The following SP4 variants were observed in gnomAD, a reference collection of about 807,000 sequenced individuals.
The protein encoded by SP4 is transcription factor Sp4.
A neutral mutation model predicts 72.8 loss-of-function variants in SP4; 19 were observed. The observed-to-expected ratio is 0.26, with a 90% CI of 0.18 to 0.38. The LOEUF (loss-of-function observed/expected upper bound fraction) is 0.38, where lower values mean the gene tolerates loss of function less well. Ranked by LOEUF, SP4 falls within the 10% of genes least tolerant of loss-of-function variation. The pLI is 1.00. For missense variants in SP4, 1,008 were observed against 926.3 expected (o/e 1.09, Z -1.14); for synonymous variants, 395 against 333.1 (o/e 1.19, Z -2.02).
chr7:21,448,938 T>G lies in SP4; in HGVS notation c.1678+18095T>G, dbSNP rs563732425. On this transcript the variant is annotated intron_variant, in intron 3 of 5. Coordinates refer to ENST00000222584, the MANE Select transcript of SP4 (RefSeq NM_003112.5). ...AACCCTTTTATTTTATGTATTATGC[T>G]TTGACATCTGAGGTCTGCTGACTTT... is the stretch of plus-strand genomic sequence containing the variant. Among the ~76,000 whole-genome samples the G allele has an allele frequency of 9.2e-5, 14 of 152,328 alleles. No individual in the cohort carries two copies. In the South Asian group the frequency reaches 2.7e-3, roughly 29 times the overall value.
Position 21,428,179 on chromosome 7 carries a change from T to TGCCC in SP4, c.-73_-72insGCCC. 1.5e-5 allele frequency: 9 copies of TGCCC among 600,780 alleles called. No individual in the cohort carries two copies. The highest frequency in any genetic ancestry group is 1.6e-5 in the Non-Finnish European group (5 of 315,444). 37.2% of individuals were successfully genotyped at this position (600,780 alleles called of 1,614,324 possible). ...GCGGGCGGGCGGGACCGGCCTCTCC[T>TGCCC]CCCGCCTCGCCCCCACCCCCACCCA... On this transcript the variant is annotated 5_prime_UTR_variant, in exon 1 of 6. Transcript: ENST00000222584.
At chr7:21,497,899 C>T (rs1781763370) in intron 5 of SP4, among the ~76,000 whole-genome samples, 1 of 152,198 alleles carries the variant, frequency 6.6e-6, no homozygotes. Flanking sequence ...CCTATAAATT[C>T]ATGGTCTCAA....
intron 3 of SP4, among the ~76,000 whole-genome samples, chr7:21,453,123 G>A (rs190645715): frequency 4.0e-4 from 61 of 152,250 alleles, no homozygotes; most frequent in East Asian, 9.7e-4. Context: ...TTTTCTTGGC[G>A]TTGAAAAACA....
chr7:21,446,855 CCAAAAAATGTTT>C (rs1471091960), intron 3 of SP4, among the ~76,000 whole-genome samples: 2 of 148,322 alleles, frequency 1.3e-5, no homozygotes, highest in African/African-American at 2.5e-5. Context: ...AGCCTGGGTT[CCAAAAAATGTTT>C]TGACAGATTC....
intron 3 of SP4, among the ~76,000 whole-genome samples, chr7:21,451,320 C>T (rs1423576552): frequency 6.6e-6 from 1 of 152,180 alleles, no homozygotes; most frequent in African/African-American, 2.4e-5. Flanking sequence ...CTGTTGCTGG[C>T]TGTGACCAAT....
intron 3 of SP4, among the ~76,000 whole-genome samples, chr7:21,456,349 T>C (rs1157600559): frequency 6.6e-6 from 1 of 152,160 alleles, no homozygotes; most frequent in African/African-American, 2.4e-5. Context: ...AAAAGGTGTA[T>C]GGTAAGTCAT....
intron 3 of SP4, among the ~76,000 whole-genome samples, chr7:21,476,435 C>G (rs1316302471): frequency 6.6e-6 from 1 of 151,994 alleles, no homozygotes; most frequent in Non-Finnish European, 1.5e-5. Flanking sequence ...GAAGTCTAAG[C>G]TATATAACAT....
chr7:21,432,261 A>G (rs1782885716), intron 3 of SP4, among the ~76,000 whole-genome samples: 1 of 152,226 alleles, frequency 6.6e-6, no homozygotes, highest in Non-Finnish European at 1.5e-5. Flanking sequence ...GCGTAATTAC[A>G]TAAATGTTTC....
chr7:21,502,927 A>C (rs1234051465), intron 5 of SP4, among the ~76,000 whole-genome samples: 1 of 152,036 alleles, frequency 6.6e-6, no homozygotes, highest in Non-Finnish European at 1.5e-5. Context: ...TCTCAGAGTT[A>C]ACTTTAAGGG....
intron 5 of SP4, among the ~76,000 whole-genome samples, chr7:21,499,400 T>C (rs1195045223): frequency 6.6e-6 from 1 of 152,110 alleles, no homozygotes; most frequent in Non-Finnish European, 1.5e-5. Flanking sequence ...TGGATTAGGG[T>C]GGGCCCTAAA....
chr7:21,487,828 T>C (rs1390221717), intron 5 of SP4, among the ~76,000 whole-genome samples: 1 of 151,822 alleles, frequency 6.6e-6, no homozygotes, highest in Non-Finnish European at 1.5e-5. Context: ...AAATCTTAAG[T>C]GAAAGATTTT....
chr7:21,442,976 TC>T (rs568246212), intron 3 of SP4, among the ~76,000 whole-genome samples: 32 of 152,308 alleles, frequency 2.1e-4, no homozygotes, highest in African/African-American at 7.5e-4. Context: ...CCTCAGGTGA[TC>T]CACCCACCTT....
At chr7:21,454,421 A>T (rs929490252) in intron 3 of SP4, among the ~76,000 whole-genome samples, 1 of 151,512 alleles carries the variant, frequency 6.6e-6, no homozygotes, top group Non-Finnish European at 1.5e-5. Context: ...CTTGGCTTGA[A>T]CATCCCTCTT....
intron 5 of SP4, among the ~76,000 whole-genome samples, chr7:21,487,526 T>G (rs982678515): frequency 6.6e-6 from 1 of 152,146 alleles, no homozygotes; most frequent in Non-Finnish European, 1.5e-5. Flanking sequence ...GAATTGCATT[T>G]TAATTTCCAA....
chr7:21,435,602 C>T (rs899039356), intron 3 of SP4, among the ~76,000 whole-genome samples: 1 of 152,098 alleles, frequency 6.6e-6, no homozygotes, highest in Admixed American at 6.5e-5. Flanking sequence ...TATACATACT[C>T]ATGTACTCCT....
intron 5 of SP4, among the ~76,000 whole-genome samples, chr7:21,501,444 G>C (rs1460845716): frequency 6.6e-6 from 1 of 152,122 alleles, no homozygotes; most frequent in African/African-American, 2.4e-5. Context: ...ATAGGAGATT[G>C]AGTTTAATTT....
chr7:21,457,371 C>T (rs1236445059), intron 3 of SP4, among the ~76,000 whole-genome samples: 1 of 152,158 alleles, frequency 6.6e-6, no homozygotes, highest in African/African-American at 2.4e-5. Context: ...CTACCTCTGA[C>T]ACTTCAATAG....
At chr7:21,433,958 GAAAA>G (rs909643894) in intron 3 of SP4, among the ~76,000 whole-genome samples, 2 of 151,536 alleles carry the variant, frequency 1.3e-5, no homozygotes, top group African/African-American at 4.9e-5. Context: ...AAAAAAGAAA[GAAAA>G]AAAAGACACA....
chr7:21,480,010 G>A (rs572269630), intron 4 of SP4, among the ~76,000 whole-genome samples: 56 of 136,204 alleles, frequency 4.1e-4, no homozygotes, highest in African/African-American at 1.6e-3. Flanking sequence ...TTGTTTGTTT[G>A]TTTAGTAGAG....
Sources: gnomAD v4.1 joint callset for allele counts (sites outside exome capture counted in the v4.1 genomes callset) on GRCh38, gnomAD v4.1.1 for gene constraint, MANE v1.5 for transcripts, NCBI Gene and HGNC (gene_info 2026-07-23, HGNC 2026-07-21) for gene names.